NEBL: variants seen among roughly 807,000 people sequenced by gnomAD.
NEBL encodes LIM and SH3 protein 2.
A neutral mutation model predicts 140.2 loss-of-function variants in NEBL; 122 were observed. That is an observed-to-expected ratio of 0.87 (90% CI 0.75 to 1.01). NEBL has a LOEUF of 1.01. NEBL is among the 50% of genes least tolerant of loss of function. The probability of loss-of-function intolerance (pLI) is 0.00; values close to 1 mark genes in which losing one functional copy is unlikely to be tolerated. For synonymous variants in NEBL, 436 were observed against 398.9 expected, an observed-to-expected ratio of 1.09 and a Z score of -1.11; for missense variants, 1,365 against 1,231.3, an observed-to-expected ratio of 1.11 and a Z score of -1.62.
At chr10:21,269,165 G>A (rs1026257320) in intron 1 of NEBL, among the ~76,000 whole-genome samples, 1 of 152,174 alleles carries the variant, frequency 6.6e-6, no homozygotes, top group East Asian at 1.9e-4. Flanking sequence ...CTTTCCATGA[G>A]GGCATTCCTA....
chr10:20,785,902 C>A lies in NEBL; in HGVS notation c.2890G>T (p.Asp964Tyr). ...PNLRTYRAMY[D>Y]YSAQDEDEVS... ...TCGTCTTCATCCTGGGCACTGTAAT[C>A]GTACATGGCTCGGTAGGTCCTCTGA... The change falls in exon 28 of 28, where the codon GAT becomes TAT. Residue 964 changes from aspartate (D) to tyrosine (Y), a missense_variant. By Grantham distance (160) the Asp-to-Tyr change is radical (BLOSUM62 -3). Around this residue, in one of 2 missense-constraint regions of NEBL, gnomAD observed 42 missense variants for 76.5 expected, o/e 0.55. Transcript: ENST00000377122. 1 of 1,613,950 alleles carries A rather than the reference C, an allele frequency of 6.2e-7. No homozygotes were observed. The highest frequency in any genetic ancestry group is 8.5e-7 in the Non-Finnish European group (1 of 1,179,908).
At chr10:20,796,786 C>G (rs1271537910) in intron 26 of NEBL, among the ~76,000 whole-genome samples, 1 of 152,104 alleles carries the variant, frequency 6.6e-6, no homozygotes, top group African/African-American at 2.4e-5. Flanking sequence ...ATAATTCAAA[C>G]CACAAATATA....
intron 3 of NEBL, among the ~76,000 whole-genome samples, chr10:21,237,633 G>A (rs1284605732): frequency 6.6e-6 from 1 of 151,288 alleles, no homozygotes; most frequent in Non-Finnish European, 1.5e-5. Flanking sequence ...GTGAGACAGG[G>A]TCTTGCTCTG....
At chr10:20,825,128 T>C (rs927489945) in intron 18 of NEBL, among the ~76,000 whole-genome samples, 7 of 152,140 alleles carry the variant, frequency 4.6e-5, no homozygotes, top group Non-Finnish European at 7.3e-5. Context: ...TGCTTTTATT[T>C]TGAAGTATAC....
At chr10:21,241,226 A>G (rs879915984) in intron 3 of NEBL, among the ~76,000 whole-genome samples, 1 of 151,834 alleles carries the variant, frequency 6.6e-6, no homozygotes, top group Non-Finnish European at 1.5e-5. Flanking sequence ...TCCAGAAGCT[A>G]GAAAACCCCG....
chr10:21,199,057 C>T (rs536070958), intron 3 of NEBL, among the ~76,000 whole-genome samples: 1 of 151,616 alleles, frequency 6.6e-6, no homozygotes, highest in East Asian at 2.0e-4. Flanking sequence ...CAGGGTCTTG[C>T]TGTGTTGTGC....
At chr10:20,921,457 A>G (rs1244802309) in intron 4 of NEBL, among the ~76,000 whole-genome samples, 3 of 151,992 alleles carry the variant, frequency 2.0e-5, no homozygotes, top group African/African-American at 7.3e-5. Context: ...GAGGTAGGGT[A>G]TTTCTTCCTC....
rs970918151 is a variant in NEBL at position 20,783,673 on chromosome 10, C to A, written c.*2074G>T. 6.6e-6 allele frequency: 1 copy of A among 152,516 alleles called. No individual in the cohort carries two copies. The highest frequency in any genetic ancestry group is 2.4e-5 in the African/African-American group (1 of 41,416). The allele number at this position is 152,516 out of a possible 1,614,324, so 9.4% of individuals were successfully genotyped here. A position where few individuals can be genotyped will look rare whatever the true frequency, so the allele number is the denominator to read the frequency against. ...TTCTTATAATCACAAAAGAAAATGG[C>A]CTGCCTGGGTGAAATGTAAATATAT... On this transcript the variant is annotated 3_prime_UTR_variant, in exon 28 of 28. Transcript: ENST00000377122.
rs1206148773 is a variant in NEBL, at chr10:21,028,064, T to A, written c.165-7863A>T. 2.0e-5 allele frequency among the ~76,000 whole-genome samples: 3 copies of A among 151,104 alleles called. No homozygotes were observed. The East Asian group carries it at 5.8e-4, about 29-fold the overall frequency. On this transcript the variant is annotated intron_variant, in intron 2 of 6. Coordinates refer to the NEBL transcript ENST00000417816. ...CAATGTGGTGAAACCCTGTCTCTAC[T>A]AAAAATACAAAAATTAGCCAGGCAT...
chr10:21,242,384 T>G (rs1305690332), intron 3 of NEBL, among the ~76,000 whole-genome samples: 2 of 152,098 alleles, frequency 1.3e-5, no homozygotes, highest in East Asian at 3.9e-4. Flanking sequence ...AACCAAATAC[T>G]GCATGTTCTC....
At chr10:21,270,494 G>T (rs769100715) in intron 1 of NEBL, among the ~76,000 whole-genome samples, 1 of 151,752 alleles carries the variant, frequency 6.6e-6, no homozygotes, top group Non-Finnish European at 1.5e-5. Context: ...AGCCTCCCAT[G>T]TAGCTGGGAT....
At chr10:20,811,697 T>A (rs1444314288) in intron 24 of NEBL, among the ~76,000 whole-genome samples, 1 of 152,194 alleles carries the variant, frequency 6.6e-6, no homozygotes, top group African/African-American at 2.4e-5. Context: ...TTAGCTTATC[T>A]CTAAATGGCC....
At chr10:21,034,629 A>C (rs920843660) in intron 2 of NEBL, among the ~76,000 whole-genome samples, 2 of 152,236 alleles carry the variant, frequency 1.3e-5, no homozygotes, top group African/African-American at 4.8e-5. Context: ...GGCCTCCACT[A>C]TGGAGTTAAA....
intron 4 of NEBL, among the ~76,000 whole-genome samples, chr10:20,947,681 TCACACACACACACACACACACACACA>T (rs5783757): frequency 2.8e-4 from 40 of 144,182 alleles, no homozygotes; most frequent in Non-Finnish European, 5.3e-4. Context: ...TACTGAGAAA[TCACACACACACACACACACACACACA>T]CACACACACA....
intron 1 of NEBL, among the ~76,000 whole-genome samples, chr10:21,282,891 G>A (rs1000806660): frequency 3.3e-5 from 5 of 152,278 alleles, no homozygotes; most frequent in South Asian, 4.2e-4. Flanking sequence ...TTGGGAGGCC[G>A]AGGCAGGCAG....
intron 4 of NEBL, among the ~76,000 whole-genome samples, chr10:20,906,783 C>T (rs10828148): frequency 0.65 from 98,778 of 151,902 alleles, 32,363 homozygotes; most frequent in Admixed American, 0.7. Flanking sequence ...AAATGTTTCT[C>T]GTGTGCATTC....
intron 1 of NEBL, among the ~76,000 whole-genome samples, chr10:21,259,566 C>T (rs1318016761): frequency 2.0e-5 from 3 of 152,164 alleles, no homozygotes; most frequent in Non-Finnish European, 4.4e-5. Flanking sequence ...ACCAGCTCCA[C>T]CCCAAGCCCC....
intron 2 of NEBL, among the ~76,000 whole-genome samples, 173 bp from the exon 3 acceptor site, chr10:20,890,122 AGAT>A (rs954690876): frequency 1.5e-4 from 23 of 152,222 alleles, no homozygotes; most frequent in Non-Finnish European, 1.8e-4. Context: ...AGGATTGCAA[AGAT>A]GATGAGGCAT....
At chr10:21,289,702 G>A (rs1843116655) in intron 1 of NEBL, among the ~76,000 whole-genome samples, 1 of 152,050 alleles carries the variant, frequency 6.6e-6, no homozygotes, top group Non-Finnish European at 1.5e-5. Flanking sequence ...CTAAATTTGG[G>A]CCCCTTTGAA....
Sources: gnomAD v4.1 joint callset for allele counts (sites outside exome capture counted in the v4.1 genomes callset) on GRCh38, gnomAD v4.1.1 for gene constraint, gnomAD v4.1.1 regional missense constraint, MANE v1.5 for transcripts, NCBI Gene and HGNC (gene_info 2026-07-23, HGNC 2026-07-21) for gene names.